Variants in PPP1R9A observed in about 807,000 individuals in gnomAD.
PPP1R9A encodes protein phosphatase 1 regulatory subunit 9A.
Under a neutral mutation model 141.9 loss-of-function variants are expected in PPP1R9A, and 59 were observed. That is an observed-to-expected ratio of 0.42 (90% confidence interval 0.34 to 0.52). PPP1R9A has a LOEUF of 0.52. Among genes scored for constraint, PPP1R9A ranks in the 20% least tolerant of loss-of-function variants. PPP1R9A has a pLI of 0.10. For synonymous variants in PPP1R9A, 500 were observed against 569.7 expected (o/e 0.88, Z 1.74); for missense variants, 1,444 against 1,611.9 (o/e 0.90, Z 1.78).
rs368092102 is a variant in PPP1R9A at position 95,006,166 on chromosome 7, G to T, written c.1395+94658G>T. ...TGCTTCAATTTGCACCTTTCATAAGGATTAAAATAAATTGAGATCTTAAGA... is the reference window on the plus strand; with the variant it reads ...TGCTTCAATTTGCACCTTTCATAAGTATTAAAATAAATTGAGATCTTAAGA... On this transcript the variant is annotated intron_variant, in intron 2 of 19. Coordinates refer to ENST00000433360, the MANE Select transcript of PPP1R9A (RefSeq NM_001166160.2). Among the ~76,000 whole-genome samples, 5 of 151,630 alleles carry T rather than the reference G, an allele frequency of 3.3e-5. No homozygotes were observed. In the East Asian group the frequency reaches 7.7e-4, roughly 23 times the overall value.
intron 2 of PPP1R9A, among the ~76,000 whole-genome samples, chr7:95,002,499 A>G (rs538827843): frequency 6.6e-6 from 1 of 152,326 alleles, no homozygotes; most frequent in South Asian, 2.1e-4. Flanking sequence ...GTCAGAGGAA[A>G]GTCAAATTAG....
chr7:94,910,263 C>A lies in PPP1R9A; in HGVS notation c.150C>A (p.Gly50=). 1.2e-6 allele frequency: 2 copies of A among 1,614,058 alleles called. No homozygotes were observed. The highest frequency in any genetic ancestry group is 8.5e-7 in the Non-Finnish European group (1 of 1,180,018). ...AACAAAAAACAAAAGAAGGTGAGGG[C>A]TCCCAGCAGAGCAGGGGGAGGAAAT... The part of the protein sequence containing the change: ...DGEQKTKEGE[G]SQQSRGRKYG... The change falls in exon 2 of 20, where the codon GGC becomes GGA. Residue 50 remains glycine (G), a synonymous_variant. Transcript: ENST00000433360. This position sits in a 1 kb window ranked among gnomAD's most constrained non-coding sequence, Gnocchi z 4.5.
At chr7:95,208,950 C>T (rs1188252699) in intron 7 of PPP1R9A, among the ~76,000 whole-genome samples, 2 of 22,462 alleles carry the variant, frequency 8.9e-5, no homozygotes, top group South Asian at 3.0e-3. Flanking sequence ...AAAAATATAG[C>T]AAAACTAAAA....
intron 14 of PPP1R9A, among the ~76,000 whole-genome samples, 175 bp from the exon 15 acceptor site, chr7:95,273,724 A>G (rs1417946491): frequency 6.6e-6 from 1 of 152,228 alleles, no homozygotes; most frequent in Non-Finnish European, 1.5e-5. Flanking sequence ...TCCCCTGCTT[A>G]ACTGCGAGTT....
At chr7:95,054,042 G>T (rs926378770) in intron 2 of PPP1R9A, among the ~76,000 whole-genome samples, 1 of 151,484 alleles carries the variant, frequency 6.6e-6, no homozygotes, top group Non-Finnish European at 1.5e-5. Context: ...AGAGAAGCAT[G>T]ACATTTTAGA....
At chr7:95,013,238 C>T (rs1382673066) in intron 2 of PPP1R9A, among the ~76,000 whole-genome samples, 2 of 152,028 alleles carry the variant, frequency 1.3e-5, no homozygotes, top group African/African-American at 4.8e-5. Flanking sequence ...ACCGATGGGG[C>T]AGTCTCATTG....
At chr7:95,261,262 T>C (rs1800388982) in intron 12 of PPP1R9A, among the ~76,000 whole-genome samples, 1 of 152,168 alleles carries the variant, frequency 6.6e-6, no homozygotes, top group Non-Finnish European at 1.5e-5. Context: ...GATGAACAGT[T>C]ATTTAGTACC....
At chr7:95,264,162 T>G (rs930700511) in intron 12 of PPP1R9A, among the ~76,000 whole-genome samples, 1 of 152,184 alleles carries the variant, frequency 6.6e-6, no homozygotes, top group Non-Finnish European at 1.5e-5. Context: ...CAAACCCCAG[T>G]GGGCCCACCT....
chr7:95,208,864 T>C (rs979834189), intron 7 of PPP1R9A, among the ~76,000 whole-genome samples: 9 of 150,580 alleles, frequency 6.0e-5, no homozygotes, highest in African/African-American at 2.2e-4. Flanking sequence ...GAGTAAAATG[T>C]TTAAAAAATA....
intron 2 of PPP1R9A, among the ~76,000 whole-genome samples, chr7:94,961,189 T>TG: frequency 6.6e-6 from 1 of 151,232 alleles, no homozygotes; most frequent in South Asian, 2.1e-4. Flanking sequence ...GACTGGTTAA[T>TG]AAAAAAAACA....
intron 4 of PPP1R9A, among the ~76,000 whole-genome samples, chr7:95,128,865 A>G (rs1048308708): frequency 2.0e-5 from 3 of 152,214 alleles, no homozygotes; most frequent in African/African-American, 7.2e-5. Context: ...GGCATGAGCC[A>G]TCATGCCCGG....
chr7:94,917,170 A>G (rs11973063), intron 2 of PPP1R9A, among the ~76,000 whole-genome samples: 3,765 of 152,214 alleles, frequency 0.025, 168 homozygotes, highest in African/African-American at 0.087. Flanking sequence ...TTTATGACCT[A>G]TGCTTCATAA....
intron 2 of PPP1R9A, among the ~76,000 whole-genome samples, chr7:95,060,001 G>A (rs1049161839): frequency 6.6e-6 from 1 of 152,140 alleles, no homozygotes; most frequent in Non-Finnish European, 1.5e-5. Flanking sequence ...GAGAGAGACT[G>A]AGCAGACAAC....
In PPP1R9A at chr7:94,910,693, C is replaced by G; in HGVS notation, c.580C>G (p.Arg194Gly). ...STDSLDSLSS[R>G]TEAVSPTVSQ... ...TGATTCCTTGGACAGCCTTAGCTCC[C>G]GAACTGAGGCTGTCTCCCCAACTGT... The change falls in exon 2 of 20, where the codon CGA (arginine) becomes GGA (glycine). Residue 194 changes from arginine (R) to glycine (G), a missense_variant. Physicochemically the swap from Arg to Gly is moderately radical, Grantham distance 125. Coordinates refer to ENST00000433360, the MANE Select transcript of PPP1R9A (RefSeq NM_001166160.2). The surrounding 1 kb of genome is among the most constrained non-coding windows in gnomAD (Gnocchi z 4.5). 6.2e-7 allele frequency: 1 copy of G among 1,614,072 alleles called. No individual in the cohort carries two copies. Among genetic ancestry groups the G allele is most frequent in the Non-Finnish European group, 8.5e-7 (1 of 1,179,996 alleles).
intron 2 of PPP1R9A, among the ~76,000 whole-genome samples, chr7:95,045,298 G>C (rs1356750190): frequency 1.3e-5 from 2 of 152,182 alleles, no homozygotes; most frequent in Non-Finnish European, 2.9e-5. Context: ...ACTTGGAAGA[G>C]ACCTAAACGG....
intron 2 of PPP1R9A, among the ~76,000 whole-genome samples, chr7:95,068,660 C>T (rs1390212839): frequency 6.6e-6 from 1 of 152,088 alleles, no homozygotes; most frequent in Non-Finnish European, 1.5e-5. Flanking sequence ...TCTGGCTTCC[C>T]TTCCCTAGTC....
intron 2 of PPP1R9A, among the ~76,000 whole-genome samples, chr7:94,936,411 T>G (rs1465048302): frequency 1.3e-5 from 2 of 152,188 alleles, no homozygotes; most frequent in African/African-American, 4.8e-5. Context: ...TAGTCTTTGC[T>G]CTTTAGCAAT....
At position 95,291,470 on chromosome 7, in the gene PPP1R9A, A is replaced by C. The variant is rs562426209; in HGVS notation, c.*1167A>C. ...CAAAGATTCTCAATTTTACAGAAAA[A>C]GTTTGTTTAAGGCAGTGCATAGGTA... On this transcript the variant is annotated 3_prime_UTR_variant, in exon 20 of 20. Coordinates refer to ENST00000433360, the MANE Select transcript of PPP1R9A (RefSeq NM_001166160.2). 1 of 152,176 alleles carries C rather than the reference A, an allele frequency of 6.6e-6. No individual in the cohort carries two copies. The highest frequency in any genetic ancestry group is 2.1e-4 in the South Asian group (1 of 4,828). 9.4% of individuals were successfully genotyped at this position (152,176 alleles called of 1,614,324 possible). A position where few individuals can be genotyped will look rare whatever the true frequency, so the allele number is the denominator to read the frequency against.
chr7:95,202,836 C>A (rs541281852), intron 6 of PPP1R9A, among the ~76,000 whole-genome samples: 3 of 151,922 alleles, frequency 2.0e-5, no homozygotes, highest in Admixed American at 6.6e-5. Context: ...ACTGGAAATA[C>A]AGTATGAACT....
Sources: gnomAD v4.1 joint callset for allele counts (sites outside exome capture counted in the v4.1 genomes callset) on GRCh38, gnomAD v4.1.1 for gene constraint, Gnocchi (gnomAD v3.1) non-coding constraint, MANE v1.5 for transcripts, NCBI Gene and HGNC (gene_info 2026-07-23, HGNC 2026-07-21) for gene names.